Variants in ZMYM4 observed in about 807,000 individuals in gnomAD.
The protein encoded by ZMYM4 is zinc finger MYM-type protein 4.
ZMYM4 carries 31 observed loss-of-function variants against 183.2 expected under a neutral mutation model. The ratio of observed to expected loss-of-function variants is 0.17; its 90% CI spans 0.13 to 0.23. The LOEUF is 0.23. ZMYM4 is among the 10% of genes least tolerant of loss of function. ZMYM4 has a pLI of 1.00. For missense variants in ZMYM4, 1,273 were observed against 1,840.3 expected (o/e 0.69, Z 5.64); for synonymous variants, 592 against 631.2 (o/e 0.94, Z 0.93).
At chr1:35,371,848 G>A (rs1644221626) in intron 7 of ZMYM4, among the ~76,000 whole-genome samples, 1 of 152,108 alleles carries the variant, frequency 6.6e-6, no homozygotes, top group Non-Finnish European at 1.5e-5. Flanking sequence ...ATGACCGACA[G>A]GGTAAATTTT....
intron 1 of ZMYM4, among the ~76,000 whole-genome samples, chr1:35,307,780 C>G (rs540015111): frequency 7.9e-5 from 12 of 151,704 alleles, no homozygotes; most frequent in Non-Finnish European, 2.9e-5. Context: ...GTGATCTGCC[C>G]GCCTCGGCCT....
At chr1:35,277,003 A>G (rs1639910558) in intron 1 of ZMYM4, among the ~76,000 whole-genome samples, 1 of 152,134 alleles carries the variant, frequency 6.6e-6, no homozygotes, top group Non-Finnish European at 1.5e-5. Flanking sequence ...AATTTTCCAC[A>G]TTTTGGATTT....
intron 23 of ZMYM4, among the ~76,000 whole-genome samples, chr1:35,401,619 A>G: frequency 6.6e-6 from 1 of 152,108 alleles, no homozygotes. Context: ...ATTTTGAGGA[A>G]GTCCCTTTTA....
chr1:35,399,121 C>A, intron 22 of ZMYM4, 78 bp downstream of exon 22: 2 of 1,381,174 alleles, frequency 1.4e-6, no homozygotes, highest in Non-Finnish European at 2.0e-6. Flanking sequence ...CACTATTAAG[C>A]AGTGCCAATT....
intron 1 of ZMYM4, among the ~76,000 whole-genome samples, chr1:35,291,392 T>C (rs1377341083): frequency 6.6e-6 from 1 of 152,104 alleles, no homozygotes; most frequent in Non-Finnish European, 1.5e-5. Flanking sequence ...TTTTCTTAAG[T>C]GTTTTTCAAA....
chr1:35,388,204 G>GTT (rs958092681), intron 13 of ZMYM4, among the ~76,000 whole-genome samples: 2 of 151,712 alleles, frequency 1.3e-5, no homozygotes, highest in Admixed American at 6.6e-5. Context: ...AGTTTTTTTT[G>GTT]TTTTTGTTTT....
At chr1:35,270,497 G>T (rs1411345676) in intron 1 of ZMYM4, among the ~76,000 whole-genome samples, 1 of 152,152 alleles carries the variant, frequency 6.6e-6, no homozygotes, top group African/African-American at 2.4e-5. Flanking sequence ...AGCGGCTCAC[G>T]CCTGTAATCC....
At chr1:35,346,519 C>T (rs138757009) in intron 2 of ZMYM4, among the ~76,000 whole-genome samples, 321 of 151,934 alleles carry the variant, frequency 2.1e-3, no homozygotes, top group Non-Finnish European at 3.2e-3. Flanking sequence ...GGAGTGATGG[C>T]GTACGCCTGT....
rs536113104 is a variant in ZMYM4, at chr1:35,374,556, T to C, written c.1181+3929T>C. Reference sequence around the variant, plus strand: ...GGCATGCACTTGTAGTCCCACCTACTCAGGAGGCTGAGGTGGGAGGATTGC... The same window carrying C: ...GGCATGCACTTGTAGTCCCACCTACCCAGGAGGCTGAGGTGGGAGGATTGC... On this transcript the variant is annotated intron_variant, in intron 7 of 29. Transcript: ENST00000314607. Among the ~76,000 whole-genome samples, 5 of 152,012 alleles carry C rather than the reference T, an allele frequency of 3.3e-5. No individual in the cohort carries two copies. The East Asian group carries it at 9.7e-4, about 29-fold the overall frequency.
intron 1 of ZMYM4, among the ~76,000 whole-genome samples, chr1:35,278,141 C>T (rs954434274): frequency 1.3e-5 from 2 of 151,990 alleles, no homozygotes; most frequent in Non-Finnish European, 2.9e-5. Context: ...CCTGTCTTTG[C>T]CTTCATCTTC....
At chr1:35,367,509 G>A (rs1644114495) in intron 5 of ZMYM4, among the ~76,000 whole-genome samples, 1 of 152,142 alleles carries the variant, frequency 6.6e-6, no homozygotes, top group Non-Finnish European at 1.5e-5. Context: ...GATTACAGGT[G>A]TGAGCCACCA....
At chr1:35,287,698 C>A (rs1446921411) in intron 1 of ZMYM4, among the ~76,000 whole-genome samples, 1 of 151,928 alleles carries the variant, frequency 6.6e-6, no homozygotes, top group Admixed American at 6.6e-5. Context: ...CTCCATCTCC[C>A]GGGTTCAAGC....
chr1:35,377,318 A>C (rs1443117647), intron 7 of ZMYM4, among the ~76,000 whole-genome samples: 2 of 152,204 alleles, frequency 1.3e-5, no homozygotes, highest in African/African-American at 4.8e-5. Flanking sequence ...TTAAAACCTA[A>C]TTTTAAAAAT....
At chr1:35,411,956 C>T (rs1423050768) in intron 26 of ZMYM4, among the ~76,000 whole-genome samples, 14 of 152,250 alleles carry the variant, frequency 9.2e-5, no homozygotes, top group Non-Finnish European at 5.9e-5. Flanking sequence ...AATCTCAGCT[C>T]ACTGCAAGCT....
intron 1 of ZMYM4, among the ~76,000 whole-genome samples, chr1:35,303,493 C>A (rs1641386027): frequency 6.6e-6 from 1 of 152,016 alleles, no homozygotes; most frequent in African/African-American, 2.4e-5. Context: ...GCAACCTCCG[C>A]CGTCTGGGTT....
At chr1:35,390,747 A>T (rs1449091776) in intron 15 of ZMYM4, among the ~76,000 whole-genome samples, 2 of 152,214 alleles carry the variant, frequency 1.3e-5, no homozygotes, top group Non-Finnish European at 2.9e-5. Flanking sequence ...CTCTGTAAGA[A>T]CTTAAATTTA....
intron 1 of ZMYM4, among the ~76,000 whole-genome samples, chr1:35,283,488 C>T (rs1176733147): frequency 5.9e-5 from 9 of 151,552 alleles, no homozygotes; most frequent in Admixed American, 5.3e-4. Context: ...CAGGCGCCCA[C>T]CACCACACCC....
chr1:35,351,187 A>G (rs914152095), intron 2 of ZMYM4: 5 of 1,330,700 alleles, frequency 3.8e-6, no homozygotes, highest in African/African-American at 1.4e-5. Context: ...ACCACTGGCA[A>G]TAAAGTTTTG....
At position 35,370,598 on chromosome 1, in the gene ZMYM4, C is replaced by T. The variant is rs1644183965; in HGVS notation, c.1152C>T (p.Leu384=). The part of the protein sequence containing the change: ...TVPPARPPPP[L]TKKTCSSCSK... Reference sequence around the variant, plus strand: ...CACCTGCCCGCCCACCGCCTCCTCTCACCAAGAAAACTTGTTCAAGTTGCT... The same window carrying T: ...CACCTGCCCGCCCACCGCCTCCTCTTACCAAGAAAACTTGTTCAAGTTGCT... Residue 384 remains leucine (L), a synonymous_variant, in exon 7 of 30, where the codon CTC becomes CTT. Coordinates refer to ENST00000314607, the MANE Select transcript of ZMYM4 (RefSeq NM_005095.3). 1 of 1,610,470 alleles carries T rather than the reference C, an allele frequency of 6.2e-7. No individual in the cohort carries two copies. Among genetic ancestry groups the T allele is most frequent in the Non-Finnish European group, 8.5e-7 (1 of 1,177,810 alleles).
Sources: allele counts gnomAD v4.1 joint callset (sites outside exome capture counted in the v4.1 genomes callset), GRCh38; gene constraint gnomAD v4.1.1; transcripts MANE v1.5; gene names NCBI Gene and HGNC (gene_info 2026-07-23, HGNC 2026-07-21).